Variants in IQSEC1 observed in about 807,000 individuals in gnomAD.
The protein encoded by IQSEC1 is IQ motif and SEC7 domain-containing protein 1.
A neutral mutation model predicts 91.0 loss-of-function variants in IQSEC1; 31 were observed. The ratio of observed to expected loss-of-function variants is 0.34; its 90% CI spans 0.26 to 0.46. IQSEC1 has a LOEUF of 0.46. Among genes scored for constraint, IQSEC1 ranks in the 20% least tolerant of loss-of-function variants. The probability of loss-of-function intolerance (pLI) is 1.00; values close to 1 mark genes in which losing one functional copy is unlikely to be tolerated. For synonymous variants in IQSEC1, 699 were observed against 662.6 expected (o/e 1.05, Z -0.84); for missense variants, 1,388 against 1,575.6 (o/e 0.88, Z 2.02).
rs1372388765 is a variant in IQSEC1, at chr3:12,897,858, ATTT to A, written c.*3122_*3124del. 2 of 152,220 alleles carry A rather than the reference ATTT, an allele frequency of 1.3e-5. No homozygotes were observed. The highest frequency in any genetic ancestry group is 2.9e-5 in the Non-Finnish European group (2 of 68,034). 9.4% of individuals were successfully genotyped at this position (152,220 alleles called of 1,614,324 possible). On this transcript the variant is annotated 3_prime_UTR_variant, in exon 14 of 14. Coordinates refer to ENST00000613206, the MANE Select transcript of IQSEC1 (RefSeq NM_001134382.3). ...GATCACTGCACTGGGTGCTGAAGAC[ATTT>A]TTAAGCAAGATGTGCACAGCATATT...
At chr3:13,025,504 G>A (rs1438919586) in intron 1 of IQSEC1, among the ~76,000 whole-genome samples, 9 of 152,190 alleles carry the variant, frequency 5.9e-5, no homozygotes, top group African/African-American at 2.2e-4. Flanking sequence ...GGGGAAATGA[G>A]GACTGGAAGG....
At chr3:13,243,948 G>T (rs537783735) in intron 1 of IQSEC1, among the ~76,000 whole-genome samples, 1 of 152,368 alleles carries the variant, frequency 6.6e-6, no homozygotes, top group East Asian at 1.9e-4. Flanking sequence ...TCTGCCCACA[G>T]ATGGCCACAA....
intron 1 of IQSEC1, among the ~76,000 whole-genome samples, chr3:13,184,272 A>G (rs1217545256): frequency 6.6e-6 from 1 of 152,244 alleles, no homozygotes; most frequent in East Asian, 1.9e-4. Context: ...ACAAAATGCT[A>G]GCAAATAAAA....
intron 1 of IQSEC1, among the ~76,000 whole-genome samples, chr3:13,221,937 G>A (rs867911299): frequency 1.3e-5 from 2 of 152,222 alleles, no homozygotes; most frequent in South Asian, 2.1e-4. Context: ...TGGTAGCCGC[G>A]GAGCAGAGGG....
At chr3:12,966,285 G>A (rs541300036) in intron 1 of IQSEC1, among the ~76,000 whole-genome samples, 81 of 152,334 alleles carry the variant, frequency 5.3e-4, no homozygotes, top group African/African-American at 1.9e-3. Context: ...CCTCTGGGGT[G>A]AGGAAGGGGC....
intron 2 of IQSEC1, among the ~76,000 whole-genome samples, chr3:13,129,546 G>A (rs2594364): frequency 0.89 from 135,700 of 152,148 alleles, 60,757 homozygotes; most frequent in African/African-American, 0.97. Context: ...AAACAAAACA[G>A]TTTTTAAGGT....
At chr3:13,017,963 G>T (rs1347082220) in intron 1 of IQSEC1, among the ~76,000 whole-genome samples, 1 of 152,184 alleles carries the variant, frequency 6.6e-6, no homozygotes, top group Admixed American at 6.5e-5. Context: ...GAAGGCGTGG[G>T]TGGGGAGGAG....
chr3:13,236,373 T>A lies in IQSEC1; in HGVS notation c.272+46338A>T, dbSNP rs73813517. 2.7e-3 allele frequency among the ~76,000 whole-genome samples: 404 copies of A among 152,352 alleles called. 1 individual carries two copies. The highest frequency in any genetic ancestry group is 9.3e-3 in the African/African-American group (385 of 41,584). ...TGGAAACTGTTCTGACAACCCCAGA[T>A]CTTCCAGTTTTCGACATGAAACTGG... is the stretch of plus-strand genomic sequence containing the variant. On this transcript the variant is annotated intron_variant, in intron 1 of 15. Coordinates refer to the IQSEC1 transcript ENST00000648114.
At chr3:13,150,781 C>A (rs1466448811) in intron 2 of IQSEC1, among the ~76,000 whole-genome samples, 1 of 152,178 alleles carries the variant, frequency 6.6e-6, no homozygotes, top group Non-Finnish European at 1.5e-5. Flanking sequence ...CAGCCTGACC[C>A]CAGGCAAGTA....
chr3:13,032,075 C>T (rs1242845211), intron 1 of IQSEC1, among the ~76,000 whole-genome samples: 1 of 152,202 alleles, frequency 6.6e-6, no homozygotes, highest in Non-Finnish European at 1.5e-5. Context: ...TCATATTCTC[C>T]TTTCTCTACG....
chr3:13,273,050 GA>G (rs1201713611), intron 1 of IQSEC1, among the ~76,000 whole-genome samples: 1 of 152,152 alleles, frequency 6.6e-6, no homozygotes, highest in Admixed American at 6.5e-5. Flanking sequence ...ATACATCAAG[GA>G]TGTAATCCTT....
At chr3:13,095,344 A>G (rs1705936227) in intron 2 of IQSEC1, among the ~76,000 whole-genome samples, 1 of 151,954 alleles carries the variant, frequency 6.6e-6, no homozygotes, top group Admixed American at 6.6e-5. Context: ...CAGACCTCCC[A>G]AGCAGAAACC....
At chr3:12,976,009 G>A (rs781300221) in intron 1 of IQSEC1, among the ~76,000 whole-genome samples, 3 of 152,358 alleles carry the variant, frequency 2.0e-5, no homozygotes, top group East Asian at 3.9e-4. Flanking sequence ...AGCCTTGGGC[G>A]TCACTTCTCT....
At chr3:12,950,895 C>G (rs2125416486) in intron 1 of IQSEC1, among the ~76,000 whole-genome samples, 1 of 152,218 alleles carries the variant, frequency 6.6e-6, no homozygotes, top group South Asian at 2.1e-4. Context: ...ATCCACCCGT[C>G]TTGGCCTCCC....
intron 1 of IQSEC1, among the ~76,000 whole-genome samples, chr3:13,196,675 G>A (rs1694132063): frequency 6.6e-6 from 1 of 152,224 alleles, no homozygotes; most frequent in Non-Finnish European, 1.5e-5. Context: ...CTTTGCAAAT[G>A]AAAGGTAAAT....
At chr3:13,225,643 C>T (rs1694740122) in intron 1 of IQSEC1, among the ~76,000 whole-genome samples, 2 of 152,038 alleles carry the variant, frequency 1.3e-5, no homozygotes, top group South Asian at 4.1e-4. Flanking sequence ...TAGATCCCTG[C>T]CATGAAGAAA....
chr3:13,229,818 A>G (rs2125087289), intron 1 of IQSEC1, among the ~76,000 whole-genome samples: 1 of 152,294 alleles, frequency 6.6e-6, no homozygotes, highest in East Asian at 1.9e-4. Context: ...CTGCCTAGAC[A>G]CACCACTTCC....
At chr3:13,023,844 C>G (rs1188141224) in intron 1 of IQSEC1, among the ~76,000 whole-genome samples, 1 of 152,230 alleles carries the variant, frequency 6.6e-6, no homozygotes, top group South Asian at 2.1e-4. Context: ...CACAAGCCAC[C>G]ACAGCAGACC....
chr3:13,056,640 C>T (rs1382777347), intron 1 of IQSEC1, among the ~76,000 whole-genome samples: 3 of 151,750 alleles, frequency 2.0e-5, no homozygotes, highest in Non-Finnish European at 2.9e-5. Context: ...CCTGCTGTAA[C>T]GTCCCGCACC....
Sources: allele counts gnomAD v4.1 joint callset (sites outside exome capture counted in the v4.1 genomes callset), GRCh38; gene constraint gnomAD v4.1.1; transcripts MANE v1.5; gene names NCBI Gene and HGNC (gene_info 2026-07-23, HGNC 2026-07-21).